The following NOTCH4 variants were observed in gnomAD, a reference collection of about 807,000 sequenced individuals.
NOTCH4 encodes neurogenic locus notch homolog protein 4.
In NOTCH4, 138 loss-of-function variants were observed where a neutral mutation model predicts 189.0. The observed-to-expected ratio is 0.73, with a 90% CI of 0.64 to 0.84. NOTCH4 has a LOEUF of 0.84. Among genes scored for constraint, NOTCH4 ranks in the 40% least tolerant of loss-of-function variants. The pLI is 0.00. For synonymous variants in NOTCH4, 942 were observed against 1,032.8 expected (o/e 0.91, Z 1.69); for missense variants, 2,286 against 2,605.4 (o/e 0.88, Z 2.67).
At chr6:32,196,843 G>A (rs1264496312) in intron 28 of NOTCH4, 82 bp downstream of exon 28, 8 of 1,526,388 alleles carry the variant, frequency 5.2e-6, no homozygotes, top group African/African-American at 1.4e-5. Context: ...ATGCCCCTCT[G>A]CTGCACCTAT....
Position 32,202,511 on chromosome 6 carries a change from T to C in NOTCH4, c.3320A>G (p.Lys1107Arg), listed in dbSNP as rs1788419509. The C allele has an allele frequency of 1.9e-6, 3 of 1,612,272 alleles. No homozygotes were observed. Among genetic ancestry groups the C allele is most frequent in the African/African-American group, 1.3e-5 (1 of 74,986 alleles). ...GGCACAGCGTGGTGGGAAGCCTGGC[T>C]TAGGGGAGGGCAGACACAGGCCTCC... ...HHGGLCLPSP[K>R]PGFPPRCACL... is the part of the protein sequence containing the mutation. Residue 1107 changes from lysine (K) to arginine (R), a missense_variant, in exon 21 of 30, where the codon AAG becomes AGG. By Grantham distance (26) the Lys-to-Arg change is conservative. Coordinates refer to ENST00000375023, the MANE Select transcript of NOTCH4 (RefSeq NM_004557.4). This position sits in a 1 kb window ranked among gnomAD's most constrained non-coding sequence, Gnocchi z 5.7.
At position 32,219,713 on chromosome 6, in the gene NOTCH4, AC is replaced by A; in HGVS notation, c.1388del (p.Cys463PhefsTer43). ...LNTPGSFNCL[C>X]PPGYTGSRCE... ...AACGGGAGCCTGTGTAGCCAGGTGG[AC>A]AGAGGCAGTTGAAGGAGCCAGGAGT... On this transcript the variant is annotated frameshift_variant, in exon 8 of 30. Transcript: ENST00000375023. LOFTEE classifies it high-confidence loss of function. The A allele has an allele frequency of 2.5e-6, 4 of 1,613,082 alleles. No individual in the cohort carries two copies. The South Asian group carries it at 3.3e-5, about 13-fold the overall frequency.
At position 32,212,771 on chromosome 6, in the gene NOTCH4, T is replaced by A; in HGVS notation, c.2526+53A>T. ...CCTGGGACCAGGTGACCCTCCCTGG[T>A]TTCCCTCCCAGCCACTTCCCTCCTC... On this transcript the variant is annotated intron_variant, in intron 16 of 29. Coordinates refer to ENST00000375023, the MANE Select transcript of NOTCH4 (RefSeq NM_004557.4). This position sits in a 1 kb window ranked among gnomAD's most constrained non-coding sequence, Gnocchi z 4.4. 2 of 1,469,274 alleles carry A rather than the reference T, an allele frequency of 1.4e-6. No homozygotes were observed. Among genetic ancestry groups the A allele is most frequent in the Non-Finnish European group, 1.8e-6 (2 of 1,100,216 alleles). The allele number at this position is 1,469,274 out of a possible 1,614,324, so 91.0% of individuals were successfully genotyped here.
At chr6:32,219,830 G>T in intron 7 of NOTCH4, 44 bp from the exon 8 acceptor site, 1 of 1,504,452 alleles carries the variant, frequency 6.6e-7, no homozygotes. Context: ...GTCAGGGCAG[G>T]AAGGGCAAGG....
At position 32,220,105 on chromosome 6, in the gene NOTCH4, GCTCT is replaced by G; in HGVS notation, c.1315+20_1315+23del. 6.2e-7 allele frequency: 1 copy of G among 1,610,414 alleles called. No individual in the cohort carries two copies. Among genetic ancestry groups the G allele is most frequent in the Non-Finnish European group, 8.5e-7 (1 of 1,178,454 alleles). On this transcript the variant is annotated intron_variant, in intron 7 of 29. Transcript: ENST00000375023. The stretch of plus-strand genomic sequence containing the variant: ...AGAGGCCTGTCTGAGGCTCAGAGAG[GCTCT>G]GAAGTGGGAGTGGCCTCACCCATCA...
chr6:32,199,221 GT>G lies in NOTCH4; in HGVS notation c.4316-77del, dbSNP rs1788181645. 2.6e-6 allele frequency: 3 copies of G among 1,144,248 alleles called. No homozygotes were observed. The highest frequency in any genetic ancestry group is 3.2e-5 in the African/African-American group (2 of 63,012). 70.9% of individuals were successfully genotyped at this position (1,144,248 alleles called of 1,614,324 possible). A position where few individuals can be genotyped will look rare whatever the true frequency, so the allele number is the denominator to read the frequency against. On this transcript the variant is annotated intron_variant, in intron 23 of 29. Transcript: ENST00000375023. The surrounding 1 kb of genome is among the most constrained non-coding windows in gnomAD (Gnocchi z 4.9). ...TTACTATTGGGAGACCTTTGGACAA[GT>G]TTAGTAGCCGGTCTTTGCCTCGGTT...
Position 32,201,516 on chromosome 6 carries a change from A to AG in NOTCH4, c.3756-17dup, listed in dbSNP as rs751023607. ...ATAGGCTGGACTGTGGGGTAAGGAGAGGGGGACTCAGGACCTCCCTAAAAC... is the reference window on the plus strand; with the variant it reads ...ATAGGCTGGACTGTGGGGTAAGGAGAGGGGGGACTCAGGACCTCCCTAAAAC... On this transcript the variant is annotated splice_polypyrimidine_tract_variant and intron_variant, in intron 21 of 29. Transcript: ENST00000375023. The surrounding 1 kb of genome is among the most constrained non-coding windows in gnomAD (Gnocchi z 5.5). The AG allele has an allele frequency of 6.8e-7, 1 of 1,460,126 alleles. No homozygotes were observed. Among genetic ancestry groups the AG allele is most frequent in the South Asian group, 1.5e-5 (1 of 65,252 alleles). 90.4% of individuals were successfully genotyped at this position (1,460,126 alleles called of 1,614,324 possible). A position where few individuals can be genotyped will look rare whatever the true frequency, so the allele number is the denominator to read the frequency against.
At chr6:32,214,037 C>T (rs551329078) in intron 13 of NOTCH4, 73 bp downstream of exon 13, 73 of 1,527,796 alleles carry the variant, frequency 4.8e-5, no homozygotes, top group Non-Finnish European at 5.8e-5. Flanking sequence ...ACTCAGGGCC[C>T]GTGGTCGCCT....
At position 32,195,370 on chromosome 6, in the gene NOTCH4, G is replaced by A. The variant is rs1007388429; in HGVS notation, c.*67C>T. 19 of 1,460,118 alleles carry A rather than the reference G, an allele frequency of 1.3e-5. 1 individual carries two copies. The South Asian group carries it at 2.4e-4, about 19-fold the overall frequency. The allele number at this position is 1,460,118 out of a possible 1,614,324, so 90.4% of individuals were successfully genotyped here. A position where few individuals can be genotyped will look rare whatever the true frequency, so the allele number is the denominator to read the frequency against. ...TTTTGGGGGATCCATCTTAAAACCA[G>A]GAAGGCCTTCCAGCCTGCCTTTTAA... On this transcript the variant is annotated 3_prime_UTR_variant, in exon 30 of 30. Transcript: ENST00000375023. The surrounding 1 kb of genome is among the most constrained non-coding windows in gnomAD (Gnocchi z 5.4).
Position 32,196,022 on chromosome 6 carries a change from T to C in NOTCH4, c.5427A>G (p.Gln1809=), listed in dbSNP as rs8192579. Residue 1809 remains glutamine (Q), a synonymous_variant, in exon 30 of 30, where the codon CAA becomes CAG. Transcript: ENST00000375023. ...GCGTCAGCAGATCCCAGTGGTTACG[T>C]TGGTGAGCGACGTCCGCCGGCGCTA... The part of the protein sequence containing the change: ...AGLAPADVAH[Q]RNHWDLLTLL... 90,620 of 1,598,326 alleles carry C rather than the reference T, an allele frequency of 0.057. 2,885 individuals are homozygous for C. Among genetic ancestry groups the C allele is most frequent in the South Asian group, 0.094 (8,490 of 90,592 alleles).
chr6:32,217,411 T>G lies in NOTCH4; in HGVS notation c.1625-145A>C. The G allele has an allele frequency of 1.6e-6, 1 of 621,164 alleles. No individual in the cohort carries two copies. The highest frequency in any genetic ancestry group is 2.8e-5 in the Admixed American group (1 of 36,212). 38.5% of individuals were successfully genotyped at this position (621,164 alleles called of 1,614,324 possible). A position where few individuals can be genotyped will look rare whatever the true frequency, so the allele number is the denominator to read the frequency against. On this transcript the variant is annotated intron_variant, in intron 9 of 29. Coordinates refer to ENST00000375023, the MANE Select transcript of NOTCH4 (RefSeq NM_004557.4). This position sits in a 1 kb window ranked among gnomAD's most constrained non-coding sequence, Gnocchi z 4.2. ...CAGGTGAGCGTGGGGTGACAGGAGATGATGCAGAAAAGGTGAAGCTCAGCC... is the reference window on the plus strand; with the variant it reads ...CAGGTGAGCGTGGGGTGACAGGAGAGGATGCAGAAAAGGTGAAGCTCAGCC...
Position 32,201,649 on chromosome 6 carries a change from G to T in NOTCH4, c.3756-149C>A. 1 of 669,960 alleles carries T rather than the reference G, an allele frequency of 1.5e-6. No individual in the cohort carries two copies. The highest frequency in any genetic ancestry group is 2.2e-6 in the Non-Finnish European group (1 of 449,034). 41.5% of individuals were successfully genotyped at this position (669,960 alleles called of 1,614,324 possible). On this transcript the variant is annotated intron_variant, in intron 21 of 29. Transcript: ENST00000375023. The surrounding 1 kb of genome is among the most constrained non-coding windows in gnomAD (Gnocchi z 5.5). ...GAGCAATGAGCTTAGTCAAGTCCTG[G>T]ATGGTAGTCCAGACACCCCAATGTC... is the stretch of plus-strand genomic sequence containing the variant.
chr6:32,214,096 A>G lies in NOTCH4; in HGVS notation c.2167+14T>C. ...GACCAGCACAGGGTGTATATGGTTT[A>G]GGGAGGGTCTCACCTGTGTAGCCTG... is the stretch of plus-strand genomic sequence containing the variant. On this transcript the variant is annotated intron_variant, in intron 13 of 29. Coordinates refer to ENST00000375023, the MANE Select transcript of NOTCH4 (RefSeq NM_004557.4). The G allele has an allele frequency of 6.2e-7, 1 of 1,603,352 alleles. No individual in the cohort carries two copies. The highest frequency in any genetic ancestry group is 1.1e-5 in the South Asian group (1 of 90,612).
rs1368636585 is a variant in NOTCH4 at position 32,213,851 on chromosome 6, C to G, written c.2168-11G>C. On this transcript the variant is annotated splice_polypyrimidine_tract_variant and intron_variant, in intron 13 of 29. Coordinates refer to ENST00000375023, the MANE Select transcript of NOTCH4 (RefSeq NM_004557.4). Reference sequence around the variant, plus strand: ...CACTACAGGTGGGTCCTGAAGGAAACAGGTGGGGGCTGAGAAAGGGTGTCC... The same window carrying G: ...CACTACAGGTGGGTCCTGAAGGAAAGAGGTGGGGGCTGAGAAAGGGTGTCC... 5.6e-6 allele frequency: 9 copies of G among 1,611,060 alleles called. No homozygotes were observed. The highest frequency in any genetic ancestry group is 7.6e-6 in the Non-Finnish European group (9 of 1,179,432).
chr6:32,213,004 G>GT, intron 15 of NOTCH4, 93 bp from the exon 16 acceptor site: 1 of 1,339,444 alleles, frequency 7.5e-7, no homozygotes, highest in African/African-American at 1.4e-5. Flanking sequence ...CCACAGGGAG[G>GT]TGGCAAGCCA....
In NOTCH4 at chr6:32,196,024, G is replaced by A. The variant is rs1561909175; in HGVS notation, c.5425C>T (p.Gln1809Ter). The part of the protein sequence containing the change: ...AGLAPADVAH[Q>*]RNHWDLLTLL... ...GTCAGCAGATCCCAGTGGTTACGTT[G>A]GTGAGCGACGTCCGCCGGCGCTAGC... Residue 1809 changes from glutamine to a stop codon, truncating the protein, a stop_gained, in exon 30 of 30, where the codon CAA becomes TAA. Coordinates refer to ENST00000375023, the MANE Select transcript of NOTCH4 (RefSeq NM_004557.4). LOFTEE classifies it low-confidence loss of function (END_TRUNC). 1.3e-6 allele frequency: 2 copies of A among 1,597,742 alleles called. No homozygotes were observed. Among genetic ancestry groups the A allele is most frequent in the Non-Finnish European group, 1.7e-6 (2 of 1,178,374 alleles).
rs1304076682 is a variant in NOTCH4, at chr6:32,198,489, T to C, written c.4688A>G (p.Gln1563Arg). The C allele has an allele frequency of 9.9e-6, 16 of 1,612,842 alleles. No homozygotes were observed. In the Admixed American group the frequency reaches 2.7e-4, roughly 27 times the overall value. Residue 1563 changes from glutamine to arginine, a missense_variant, in exon 26 of 30, where the codon CAG becomes CGG. Gln to Arg is a conservative substitution (Grantham distance 43). Around this residue, in one of 2 missense-constraint regions of NOTCH4, gnomAD observed 1,903 missense variants for 2,261.9 expected, o/e 0.84. Coordinates refer to ENST00000375023, the MANE Select transcript of NOTCH4 (RefSeq NM_004557.4). This position sits in a 1 kb window ranked among gnomAD's most constrained non-coding sequence, Gnocchi z 5.5. ...SLSGGCGALP[Q>R]AAMLTPPQES... ...CTGGGGAGGAGTTAGCATGGCTGCC[T>C]GAGGGAGCGCCCCACAGCCACCACT...
chr6:32,212,848 A>T lies in NOTCH4; in HGVS notation c.2502T>A (p.Thr834=). The T allele has an allele frequency of 6.5e-7, 1 of 1,550,118 alleles. No individual in the cohort carries two copies. The highest frequency in any genetic ancestry group is 8.7e-7 in the Non-Finnish European group (1 of 1,146,308). Residue 834 remains threonine, a synonymous_variant, in exon 16 of 30, where the codon ACT becomes ACA. Transcript: ENST00000375023. The surrounding 1 kb of genome is among the most constrained non-coding windows in gnomAD (Gnocchi z 4.4). ...CCTGGCAGCTGCCTCCGGTGTAGCC[A>T]GTGGGGCAGAGGCAGCGGGGACCCT... ...SPQGPRCLCP[T]GYTGGSCQTL...
rs1457251110 is a variant in NOTCH4 at position 32,198,007 on chromosome 6, G to A, written c.4757-413C>T. Among the ~76,000 whole-genome samples, 1 of 152,080 alleles carries A rather than the reference G, an allele frequency of 6.6e-6. No individual in the cohort carries two copies. The highest frequency in any genetic ancestry group is 2.4e-5 in the African/African-American group (1 of 41,410). On this transcript the variant is annotated intron_variant, in intron 26 of 29. Coordinates refer to ENST00000375023, the MANE Select transcript of NOTCH4 (RefSeq NM_004557.4). This position sits in a 1 kb window ranked among gnomAD's most constrained non-coding sequence, Gnocchi z 5.5. ...CGGCTAATTTTTTGTATTTTTAGTA[G>A]AGACGGGGTTTCACTGTGTTAGCCA... is the stretch of plus-strand genomic sequence containing the variant.
Sources: allele counts gnomAD v4.1 joint callset (sites outside exome capture counted in the v4.1 genomes callset), GRCh38; gene constraint gnomAD v4.1.1; regional missense constraint gnomAD v4.1.1; non-coding constraint Gnocchi (gnomAD v3.1); transcripts MANE v1.5; gene names NCBI Gene and HGNC (gene_info 2026-07-23, HGNC 2026-07-21).